Variants in CDYL observed in about 807,000 individuals in gnomAD.
The protein encoded by CDYL is chromodomain Y-like protein.
Under a neutral mutation model 47.3 loss-of-function variants are expected in CDYL, and 8 were observed. The observed-to-expected ratio is 0.17, with a 90% CI of 0.10 to 0.31. The LOEUF is 0.31. Ranked by LOEUF, CDYL falls within the 10% of genes least tolerant of loss-of-function variation. The probability of loss-of-function intolerance (pLI) is 1.00; values close to 1 mark genes in which losing one functional copy is unlikely to be tolerated. For missense variants in CDYL, 471 were observed against 701.4 expected, an observed-to-expected ratio of 0.67 and a Z score of 3.71; for synonymous variants, 266 against 265.0, an observed-to-expected ratio of 1.00 and a Z score of -0.04.
intron 1 of CDYL, among the ~76,000 whole-genome samples, chr6:4,845,887 G>A (rs190929560): frequency 6.6e-6 from 1 of 152,098 alleles, no homozygotes; most frequent in African/African-American, 2.4e-5. Context: ...CTTGTTCCAC[G>A]AGTTGAATGA....
rs752918147 is a variant in CDYL at position 4,952,304 on chromosome 6, G to T, written c.1371G>T (p.Ala457=). 4 of 1,614,140 alleles carry T rather than the reference G, an allele frequency of 2.5e-6. No individual in the cohort carries two copies. Among genetic ancestry groups the T allele is most frequent in the South Asian group, 1.1e-5 (1 of 91,080 alleles). The part of the protein sequence containing the change: ...EMLLSGRKLT[A]QEACGKGLVS... The stretch of plus-strand genomic sequence containing the variant: ...TGCTCAGTGGACGGAAGCTGACAGC[G>T]CAGGAGGCGTGTGGCAAGGGCCTGG... The change falls in exon 6 of 7, where the codon GCG becomes GCT. Residue 457 remains alanine (A), a synonymous_variant. Coordinates refer to ENST00000397588, the MANE Select transcript of CDYL (RefSeq NM_004824.4).
chr6:4,891,540 C>G (rs1274736195), intron 1 of CDYL, among the ~76,000 whole-genome samples, 173 bp from the exon 2 acceptor site: 2 of 152,180 alleles, frequency 1.3e-5, no homozygotes, highest in African/African-American at 2.4e-5. Flanking sequence ...GACTTACTTT[C>G]AGGGAAATTG....
chr6:4,737,034 C>T (rs1757715815), intron 3 of CDYL, among the ~76,000 whole-genome samples: 1 of 152,022 alleles, frequency 6.6e-6, no homozygotes, highest in South Asian at 2.1e-4. Context: ...AAACTGCTAA[C>T]AGTGATTACC....
intron 3 of CDYL, among the ~76,000 whole-genome samples, chr6:4,744,780 G>A (rs1757858931): frequency 6.6e-6 from 1 of 152,064 alleles, no homozygotes; most frequent in African/African-American, 2.4e-5. Context: ...TTGAACTCAG[G>A]TCTCTCAGAG....
chr6:4,822,294 C>T (rs115088224), intron 1 of CDYL, among the ~76,000 whole-genome samples: 8 of 152,062 alleles, frequency 5.3e-5, no homozygotes, highest in East Asian at 3.9e-4. Flanking sequence ...CCACTGTGCC[C>T]GGCAAAATCA....
At chr6:4,840,769 T>C (rs1760464267) in intron 1 of CDYL, among the ~76,000 whole-genome samples, 1 of 152,248 alleles carries the variant, frequency 6.6e-6, no homozygotes, top group African/African-American at 2.4e-5. Context: ...GGTTATCTTT[T>C]TGAAGTGTTG....
chr6:4,732,688 G>A (rs946575737), intron 2 of CDYL, among the ~76,000 whole-genome samples: 2 of 151,342 alleles, frequency 1.3e-5, no homozygotes, highest in African/African-American at 2.4e-5. Context: ...GGGGGATTGG[G>A]GGGGAATTCT....
At chr6:4,881,143 C>T (rs1415543036) in intron 1 of CDYL, among the ~76,000 whole-genome samples, 3 of 152,108 alleles carry the variant, frequency 2.0e-5, no homozygotes, top group Non-Finnish European at 4.4e-5. Flanking sequence ...GTGGAGCACT[C>T]AGTCCACTTA....
intron 1 of CDYL, among the ~76,000 whole-genome samples, chr6:4,861,700 GTTC>G (rs547227692): frequency 1.2e-3 from 177 of 152,312 alleles, no homozygotes; most frequent in African/African-American, 4.1e-3. Context: ...TTTAAAAGCT[GTTC>G]TTCTTGATGC....
intron 1 of CDYL, among the ~76,000 whole-genome samples, chr6:4,850,386 A>G (rs971210783): frequency 3.9e-5 from 6 of 152,234 alleles, no homozygotes; most frequent in Non-Finnish European, 5.9e-5. Context: ...ACTTTTGTCA[A>G]TTAACTAGAA....
At chr6:4,779,915 A>G (rs1010086006) in intron 1 of CDYL, among the ~76,000 whole-genome samples, 1 of 152,212 alleles carries the variant, frequency 6.6e-6, no homozygotes, top group Non-Finnish European at 1.5e-5. Flanking sequence ...TTCACTTAGT[A>G]TATTTCATAT....
intron 3 of CDYL, among the ~76,000 whole-genome samples, chr6:4,758,056 G>T (rs1758103258): frequency 6.6e-6 from 1 of 151,356 alleles, no homozygotes; most frequent in Non-Finnish European, 1.5e-5. Flanking sequence ...AAATATCTTT[G>T]TGGCCTGGTG....
intron 2 of CDYL, among the ~76,000 whole-genome samples, chr6:4,912,151 G>A (rs539111120): frequency 6.6e-6 from 1 of 152,322 alleles, no homozygotes; most frequent in South Asian, 2.1e-4. Context: ...AGAACGAGAT[G>A]ATCCCTGGTG....
intron 3 of CDYL, among the ~76,000 whole-genome samples, chr6:4,765,834 GATTACAGGCATGAGCCACC>G (rs1240320819): frequency 6.6e-6 from 1 of 152,054 alleles, no homozygotes; most frequent in African/African-American, 2.4e-5. Context: ...AAAGTGCTGG[GATTACAGGCATGAGCCACC>G]ATGCCTGTTG....
At chr6:4,800,681 C>T (rs1272719143) in intron 1 of CDYL, among the ~76,000 whole-genome samples, 1 of 152,100 alleles carries the variant, frequency 6.6e-6, no homozygotes, top group Non-Finnish European at 1.5e-5. Flanking sequence ...AAGGAAACTT[C>T]TTCTGAATAC....
chr6:4,936,729 G>T (rs1203310597), intron 3 of CDYL, among the ~76,000 whole-genome samples: 5 of 152,162 alleles, frequency 3.3e-5, no homozygotes, highest in Non-Finnish European at 7.4e-5. Context: ...AAAAACAGTA[G>T]AACTGAATGA....
At chr6:4,900,823 ATATAT>A (rs1346179780) in intron 2 of CDYL, among the ~76,000 whole-genome samples, 1 of 82,492 alleles carries the variant, frequency 1.2e-5, no homozygotes, top group Non-Finnish European at 2.5e-5. Flanking sequence ...ATATATATAT[ATATAT>A]ATCTTGCCTG....
chr6:4,793,379 C>G lies in CDYL; in HGVS notation c.24+16572C>G, dbSNP rs189409172. Among the ~76,000 whole-genome samples the G allele has an allele frequency of 1.5e-4, 23 of 152,086 alleles. No homozygotes were observed. The East Asian group carries it at 4.5e-3, about 29-fold the overall frequency. The stretch of plus-strand genomic sequence containing the variant: ...GGGGTGGTGTTATTTTTAGGTGAAG[C>G]AATCAGGGAGAGCTTCATTGATAGG... On this transcript the variant is annotated intron_variant, in intron 1 of 6. Coordinates refer to ENST00000397588, the MANE Select transcript of CDYL (RefSeq NM_004824.4).
chr6:4,775,518 C>A (rs1172983035), upstream of CDYL: 1 of 152,314 alleles, frequency 6.6e-6, no homozygotes, highest in Non-Finnish European at 1.5e-5. The surrounding 1 kb of genome is among the most constrained non-coding windows in gnomAD (Gnocchi z 7.0). Flanking sequence ...TCCCTGGAAT[C>A]CAGACTCGGT....
Sources: gnomAD v4.1 joint callset for allele counts (sites outside exome capture counted in the v4.1 genomes callset) on GRCh38, gnomAD v4.1.1 for gene constraint, Gnocchi (gnomAD v3.1) non-coding constraint, MANE v1.5 for transcripts, NCBI Gene and HGNC (gene_info 2026-07-23, HGNC 2026-07-21) for gene names.